The following PCDHA10 variants were observed in gnomAD, a reference collection of about 807,000 sequenced individuals.
PCDHA10 encodes the protein protocadherin alpha-10.
In PCDHA10, 45 loss-of-function variants were observed where a neutral mutation model predicts 61.2. The observed-to-expected ratio is 0.74, with a 90% CI of 0.58 to 0.94. The LOEUF is 0.94. Among genes scored for constraint, PCDHA10 ranks in the 40% least tolerant of loss-of-function variants. The pLI, the probability that PCDHA10 is intolerant of heterozygous loss-of-function variation, is 0.00. For missense variants in PCDHA10, 1,278 were observed against 1,236.2 expected (o/e 1.03, Z -0.51); for synonymous variants, 602 against 548.8 (o/e 1.10, Z -1.35).
intron 1 of PCDHA10, chr5:140,870,108 C>T (rs1317421695): frequency 1.2e-6 from 2 of 1,613,788 alleles, no homozygotes; most frequent in Non-Finnish European, 1.7e-6. Context: ...ACTGTACAGT[C>T]TGGGTGGAAA....
intron 1 of PCDHA10, chr5:140,870,676 G>A (rs561705674): frequency 1.9e-6 from 3 of 1,612,702 alleles, no homozygotes; most frequent in African/African-American, 1.3e-5. Flanking sequence ...GTTGGACCAC[G>A]AGGAGCTGGA....
intron 3 of PCDHA10, among the ~76,000 whole-genome samples, chr5:140,987,826 G>T (rs1481540038): frequency 6.6e-6 from 1 of 152,014 alleles, no homozygotes; most frequent in Non-Finnish European, 1.5e-5. Flanking sequence ...TTTCCTTAGG[G>T]GATTGCTTTT....
chr5:140,992,576 G>T (rs992150186), intron 3 of PCDHA10, among the ~76,000 whole-genome samples: 4 of 152,172 alleles, frequency 2.6e-5, no homozygotes, highest in Admixed American at 2.0e-4. Flanking sequence ...CATATTGCCT[G>T]CCTTGTATGC....
chr5:141,005,118 C>T (rs546410334), intron 3 of PCDHA10, among the ~76,000 whole-genome samples: 1 of 152,198 alleles, frequency 6.6e-6, no homozygotes, highest in South Asian at 2.1e-4. Flanking sequence ...CTTTAGGGAC[C>T]CCAAAAGTGC....
intron 1 of PCDHA10, among the ~76,000 whole-genome samples, chr5:140,885,103 C>G (rs1336980793): frequency 6.6e-6 from 1 of 152,018 alleles, no homozygotes; most frequent in Non-Finnish European, 1.5e-5. Context: ...CACATAAATG[C>G]TTTTTTTAAG....
intron 1 of PCDHA10, among the ~76,000 whole-genome samples, chr5:140,932,720 G>A (rs868927369): frequency 6.6e-5 from 10 of 151,848 alleles, no homozygotes; most frequent in Non-Finnish European, 1.5e-5. Flanking sequence ...CAATAATATT[G>A]TATAATATAG....
At chr5:140,948,897 T>C (rs1487067374) in intron 1 of PCDHA10, among the ~76,000 whole-genome samples, 1 of 151,680 alleles carries the variant, frequency 6.6e-6, no homozygotes. Context: ...AGATTTTAAG[T>C]GGATTCTTAG....
rs531946864 is a variant in PCDHA10, at chr5:140,866,396, C to T, written c.2388+7960C>T. 5.3e-5 allele frequency: 8 copies of T among 152,156 alleles called. No individual in the cohort carries two copies. In the East Asian group the frequency reaches 9.6e-4, roughly 18 times the overall value. 9.4% of individuals were successfully genotyped at this position (152,156 alleles called of 1,614,324 possible). A position where few individuals can be genotyped will look rare whatever the true frequency, so the allele number is the denominator to read the frequency against. The stretch of plus-strand genomic sequence containing the variant: ...AATAACAATTTTAAAGACATAGATT[C>T]CCATGAAAATCTTCAAATGTGTGTA... On this transcript the variant is annotated intron_variant, in intron 1 of 3. Transcript: ENST00000307360.
intron 1 of PCDHA10, chr5:140,883,364 A>T (rs782725621): frequency 6.2e-7 from 1 of 1,614,168 alleles, no homozygotes; most frequent in African/African-American, 1.3e-5. Context: ...CACTCAGCCT[A>T]GCGCCATTAT....
chr5:140,954,830 T>TG (rs2095095109), intron 1 of PCDHA10, among the ~76,000 whole-genome samples: 1 of 152,220 alleles, frequency 6.6e-6, no homozygotes, highest in Admixed American at 6.5e-5. Flanking sequence ...GGCACTTTTG[T>TG]CATGAAATCT....
At chr5:140,898,099 A>C (rs1469393554) in intron 1 of PCDHA10, among the ~76,000 whole-genome samples, 2 of 152,168 alleles carry the variant, frequency 1.3e-5, no homozygotes, top group African/African-American at 4.8e-5. Flanking sequence ...GCCCTTTGTC[A>C]GATGAGTAGG....
At chr5:140,882,424 G>C in intron 1 of PCDHA10, 1 of 1,614,114 alleles carries the variant, frequency 6.2e-7, no homozygotes, top group Non-Finnish European at 8.5e-7. Context: ...CTCAGGACCT[G>C]GGGCTGGAGC....
intron 1 of PCDHA10, chr5:140,928,354 A>G: frequency 6.2e-7 from 1 of 1,614,150 alleles, no homozygotes; most frequent in Non-Finnish European, 8.5e-7. Flanking sequence ...GTTGGATGTT[A>G]TCTCTGAAGG....
chr5:140,857,309 G>C lies in PCDHA10; in HGVS notation c.1261G>C (p.Glu421Gln), dbSNP rs1287991839. ...ALDRERVSAY[E>Q]LVVTARDGGS... ...GGACCGCGAGAGGGTGTCGGCCTAT[G>C]AGCTGGTGGTGACCGCGCGGGACGG... The change falls in exon 1 of 4, where the codon GAG (glutamate) becomes CAG (glutamine). Residue 421 changes from glutamate (E) to glutamine (Q), a missense_variant. Transcript: ENST00000307360. The C allele has an allele frequency of 3.8e-6, 6 of 1,598,670 alleles. 1 individual carries two copies. In the Admixed American group the frequency reaches 1.0e-4, roughly 27 times the overall value.
chr5:140,967,907 A>C (rs1311525554), intron 1 of PCDHA10: 1 of 1,614,180 alleles, frequency 6.2e-7, no homozygotes, highest in Non-Finnish European at 8.5e-7. Flanking sequence ...TGCTACACCC[A>C]ACACCATTGT....
intron 3 of PCDHA10, among the ~76,000 whole-genome samples, chr5:140,982,861 G>A (rs1356683030): frequency 1.3e-5 from 2 of 152,110 alleles, no homozygotes; most frequent in African/African-American, 4.8e-5. Flanking sequence ...CCTTTCAAAT[G>A]CTTAGGTCAT....
At chr5:140,978,566 T>G (rs1554239422) in intron 1 of PCDHA10, among the ~76,000 whole-genome samples, 1 of 152,204 alleles carries the variant, frequency 6.6e-6, no homozygotes, top group East Asian at 1.9e-4. Flanking sequence ...ATAGCTGTAA[T>G]ACTGAATTGG....
chr5:140,969,005 G>A (rs149076230), intron 1 of PCDHA10: 1 of 1,614,168 alleles, frequency 6.2e-7, no homozygotes, highest in Non-Finnish European at 8.5e-7. Flanking sequence ...AGGCTTCTGT[G>A]GAGTAAGGGA....
chr5:140,873,418 A>C (rs2054276774), intron 1 of PCDHA10, among the ~76,000 whole-genome samples: 1 of 152,174 alleles, frequency 6.6e-6, no homozygotes. Flanking sequence ...AATTTTGTAA[A>C]TTATTATTTT....
Sources: allele counts gnomAD v4.1 joint callset (sites outside exome capture counted in the v4.1 genomes callset), GRCh38; gene constraint gnomAD v4.1.1; transcripts MANE v1.5; gene names NCBI Gene and HGNC (gene_info 2026-07-23, HGNC 2026-07-21).